CDH20: variants seen among roughly 807,000 people sequenced by gnomAD.
CDH20 encodes cadherin 20.
CDH20 carries 29 observed loss-of-function variants against 74.2 expected under a neutral mutation model. That is an observed-to-expected ratio of 0.39 (90% CI 0.29 to 0.53). The LOEUF (loss-of-function observed/expected upper bound fraction) is 0.53. CDH20 is among the 20% of genes least tolerant of loss of function. The pLI is 0.69. For missense variants in CDH20, 988 were observed against 1,048.3 expected (o/e 0.94, Z 0.79); for synonymous variants, 469 against 405.4 (o/e 1.16, Z -1.88).
At chr18:61,522,097 G>A (rs1912231391) in intron 6 of CDH20, among the ~76,000 whole-genome samples, 1 of 152,106 alleles carries the variant, frequency 6.6e-6, no homozygotes, top group South Asian at 2.1e-4. Flanking sequence ...AGAAATAAAG[G>A]GTATTTGAAT....
intron 9 of CDH20, among the ~76,000 whole-genome samples, chr18:61,542,794 C>T (rs921131161): frequency 2.0e-5 from 3 of 152,014 alleles, no homozygotes; most frequent in African/African-American, 7.3e-5. Flanking sequence ...GGAAGGAAGC[C>T]AACATGTGCA....
chr18:61,496,099 CTCCTTCTCTCCTCCCTTCCTCT>C (rs1599125295), intron 2 of CDH20, among the ~76,000 whole-genome samples: 1 of 67,610 alleles, frequency 1.5e-5, no homozygotes, highest in Admixed American at 1.2e-4. Context: ...CCCTTCCTCT[CTCCTTCTCTCCTCCCTTCCTCT>C]CCCCCTCTCT....
At chr18:61,363,332 T>G (rs902309074) in intron 1 of CDH20, among the ~76,000 whole-genome samples, 4 of 151,908 alleles carry the variant, frequency 2.6e-5, no homozygotes, top group African/African-American at 9.7e-5. Flanking sequence ...CTGTGTACTT[T>G]TTATGGTACC....
chr18:61,467,243 G>A (rs1317507494), intron 1 of CDH20, among the ~76,000 whole-genome samples: 1 of 152,052 alleles, frequency 6.6e-6, no homozygotes, highest in East Asian at 1.9e-4. Context: ...TTGTAGTATT[G>A]GAAAATCAGT....
chr18:61,394,229 A>T (rs1316888622), intron 1 of CDH20, among the ~76,000 whole-genome samples: 3 of 152,166 alleles, frequency 2.0e-5, no homozygotes, highest in Non-Finnish European at 4.4e-5. Context: ...AGGAGTGAGC[A>T]GAGCCCCTAA....
rs529233151 is a variant in CDH20, at chr18:61,364,073, C to T, written c.-153+30246C>T. ...CACAAAATGGCCATCTCTATCTTGA[C>T]GTTAAATTTATTATAACTCCCTGGA... On this transcript the variant is annotated intron_variant, in intron 1 of 11. Coordinates refer to ENST00000262717, the MANE Select transcript of CDH20 (RefSeq NM_031891.4). Among the ~76,000 whole-genome samples the T allele has an allele frequency of 2.6e-5, 4 of 152,248 alleles. No homozygotes were observed. The East Asian group carries it at 7.7e-4, about 29-fold the overall frequency.
chr18:61,382,210 T>C (rs1352883279), intron 1 of CDH20, among the ~76,000 whole-genome samples: 3 of 152,218 alleles, frequency 2.0e-5, no homozygotes, highest in African/African-American at 7.2e-5. Flanking sequence ...TATAGTATTA[T>C]TGATATAAAG....
intron 1 of CDH20, among the ~76,000 whole-genome samples, chr18:61,393,019 C>T (rs1157423529): frequency 1.3e-5 from 2 of 152,182 alleles, no homozygotes; most frequent in Non-Finnish European, 1.5e-5. Flanking sequence ...GAGAACCAGA[C>T]CCTCTTGAAC....
At chr18:61,509,309 C>T (rs1911696274) in intron 6 of CDH20, among the ~76,000 whole-genome samples, 1 of 152,218 alleles carries the variant, frequency 6.6e-6, no homozygotes, top group Non-Finnish European at 1.5e-5. Context: ...AGTGAGCAGA[C>T]TCATACCACT....
chr18:61,450,837 A>G (rs144222662), intron 1 of CDH20, among the ~76,000 whole-genome samples: 1 of 152,040 alleles, frequency 6.6e-6, no homozygotes, highest in Non-Finnish European at 1.5e-5. Flanking sequence ...TTTGTATTCC[A>G]TTATATCAAT....
At chr18:61,512,908 G>A (rs1208297155) in intron 6 of CDH20, among the ~76,000 whole-genome samples, 1 of 152,138 alleles carries the variant, frequency 6.6e-6, no homozygotes, top group Non-Finnish European at 1.5e-5. Flanking sequence ...TTGCTGAGGA[G>A]AGCTTTACGG....
chr18:61,502,686 G>A (rs1035277896), intron 4 of CDH20, among the ~76,000 whole-genome samples: 9 of 152,124 alleles, frequency 5.9e-5, no homozygotes, highest in Non-Finnish European at 1.2e-4. Context: ...AAACATTGCT[G>A]CCACCTCCTG....
intron 6 of CDH20, among the ~76,000 whole-genome samples, chr18:61,509,195 A>C (rs1203378858): frequency 6.6e-6 from 1 of 152,190 alleles, no homozygotes; most frequent in Non-Finnish European, 1.5e-5. Flanking sequence ...ATGTAACCAA[A>C]TACTCCCTGT....
intron 1 of CDH20, among the ~76,000 whole-genome samples, chr18:61,417,502 G>A (rs1212235931): frequency 1.4e-5 from 2 of 141,282 alleles, no homozygotes; most frequent in Non-Finnish European, 3.0e-5. Flanking sequence ...GGATGGAATT[G>A]GAGGACATTG....
chr18:61,539,033 C>G lies in CDH20; in HGVS notation c.1418C>G (p.Ser473Cys). The change falls in exon 9 of 12, where the codon TCC (serine) becomes TGC (cysteine). Residue 473 changes from serine to cysteine, a missense_variant. Coordinates refer to ENST00000262717, the MANE Select transcript of CDH20 (RefSeq NM_031891.4). ...TVLAMEMNNPSQVGSVPVTIK... is the reference protein window; with the variant it reads ...TVLAMEMNNPCQVGSVPVTIK... ...CTTGTGTTCCCTTTAGACAATCCCTCCCAGGTTGGAAGTGTTCCTGTCACA... is the reference window on the plus strand; with the variant it reads ...CTTGTGTTCCCTTTAGACAATCCCTGCCAGGTTGGAAGTGTTCCTGTCACA... 6.2e-7 allele frequency: 1 copy of G among 1,614,000 alleles called. No individual in the cohort carries two copies.
Position 61,490,613 on chromosome 18 carries a change from G to C in CDH20, c.60G>C (p.Leu20Phe). The change falls in exon 2 of 12, where the codon TTG becomes TTC. Residue 20 changes from leucine (L) to phenylalanine (F), a missense_variant. Leu to Phe is a conservative substitution (Grantham distance 22). This residue lies in a region of CDH20 where 613 missense variants were observed against 755.2 expected (regional missense o/e 0.81). Transcript: ENST00000262717. The stretch of plus-strand genomic sequence containing the variant: ...ACTGGCTTGGACTTGGCATGTCCTT[G>C]TACTTCTGGGGGCTGATGGACCTTA... ...AKNWLGLGMS[L>F]YFWGLMDLTT... 1 of 1,614,138 alleles carries C rather than the reference G, an allele frequency of 6.2e-7. No individual in the cohort carries two copies. Among genetic ancestry groups the C allele is most frequent in the Non-Finnish European group, 8.5e-7 (1 of 1,180,022 alleles).
In CDH20 at chr18:61,346,222, A is replaced by C. The variant is rs529418179; in HGVS notation, c.-153+12395A>C. On this transcript the variant is annotated intron_variant, in intron 1 of 11. Coordinates refer to ENST00000262717, the MANE Select transcript of CDH20 (RefSeq NM_031891.4). The stretch of plus-strand genomic sequence containing the variant: ...TATCAGAAGGGAAGAGAGGAATTGC[A>C]TCGTTATGAGTTATTTCTATTACAA... 8.5e-5 allele frequency among the ~76,000 whole-genome samples: 13 copies of C among 152,354 alleles called. No individual in the cohort carries two copies. The South Asian group carries it at 2.1e-3, about 24-fold the overall frequency.
chr18:61,555,432 T>C lies in CDH20; in HGVS notation c.*737T>C, dbSNP rs771886923. ...GCTATTTAACTGTGCCCCTGCAAAA[T>C]TGTTCAGAATGAAACCAGAAAAATC... On this transcript the variant is annotated 3_prime_UTR_variant, in exon 12 of 12. Transcript: ENST00000262717. 8.5e-5 allele frequency: 84 copies of C among 985,300 alleles called. No individual in the cohort carries two copies. The highest frequency in any genetic ancestry group is 9.9e-5 in the Non-Finnish European group (82 of 829,938). The allele number at this position is 985,300 out of a possible 1,614,324, so 61.0% of individuals were successfully genotyped here. A position where few individuals can be genotyped will look rare whatever the true frequency, so the allele number is the denominator to read the frequency against.
intron 1 of CDH20, among the ~76,000 whole-genome samples, chr18:61,403,912 T>G (rs1473374885): frequency 6.6e-6 from 1 of 152,148 alleles, no homozygotes; most frequent in Non-Finnish European, 1.5e-5. Flanking sequence ...TAAAAAGGGA[T>G]GAGATCATGT....
Sources: gnomAD v4.1 joint callset for allele counts (sites outside exome capture counted in the v4.1 genomes callset) on GRCh38, gnomAD v4.1.1 for gene constraint, gnomAD v4.1.1 regional missense constraint, MANE v1.5 for transcripts, NCBI Gene and HGNC (gene_info 2026-07-23, HGNC 2026-07-21) for gene names.